Variants in MAMLD1 observed in about 807,000 individuals in gnomAD.
MAMLD1 encodes the protein mastermind-like domain-containing protein 1.
MAMLD1 carries 14 observed loss-of-function variants against 45.0 expected under a neutral mutation model. That is an observed-to-expected ratio of 0.31 (90% confidence interval 0.21 to 0.49). The LOEUF is 0.49. MAMLD1 is among the 20% of genes least tolerant of loss of function. The probability of loss-of-function intolerance (pLI) is 0.99; values close to 1 mark genes in which losing one functional copy is unlikely to be tolerated. For synonymous variants in MAMLD1, 254 were observed against 247.8 expected (o/e 1.02, Z -0.24); for missense variants, 543 against 603.6 (o/e 0.90, Z 1.05).
chrX:150,433,981 G>A (rs1347277639), intron 1 of MAMLD1, among the ~76,000 whole-genome samples: 4 of 111,553 alleles, frequency 3.6e-5, no homozygotes, highest in Non-Finnish European at 7.5e-5. Context: ...CAGAAGGAGT[G>A]GTACCAGGAA....
intron 1 of MAMLD1, among the ~76,000 whole-genome samples, chrX:150,365,039 T>A: frequency 8.9e-6 from 1 of 112,175 alleles, no homozygotes; most frequent in African/African-American, 3.2e-5. Context: ...TCTGGGCCCC[T>A]GGAGGCCGCG....
Position 150,384,101 on chromosome X carries a change from T to C in MAMLD1, c.-64+20571T>C, listed in dbSNP as rs1213375842. On this transcript the variant is annotated intron_variant, in intron 1 of 7. Transcript: ENST00000370401. The stretch of plus-strand genomic sequence containing the variant: ...TCATGTACAAGTTTTTGTGTGGACA[T>C]ATGCTTTCATTTCTCTTGGGCATAT... Among the ~76,000 whole-genome samples the C allele has an allele frequency of 3.6e-5, 4 of 112,166 alleles. No homozygotes were observed. The Admixed American group carries it at 3.8e-4, about 11-fold the overall frequency.
chrX:150,440,875 T>G (rs1419615874), intron 1 of MAMLD1, among the ~76,000 whole-genome samples: 1 of 104,640 alleles, frequency 9.6e-6, no homozygotes, highest in African/African-American at 3.4e-5. Flanking sequence ...TAATTAATAA[T>G]ATTTAATATT....
At chrX:150,506,950 GA>G (rs782054076) in intron 6 of MAMLD1, among the ~76,000 whole-genome samples, 17 of 112,605 alleles carry the variant, frequency 1.5e-4, no homozygotes, top group Non-Finnish European at 2.6e-4. Flanking sequence ...CATCTTGGCT[GA>G]GACTGTCTGT....
chrX:150,385,971 TGTCCTCATG>T (rs781899525), intron 1 of MAMLD1, among the ~76,000 whole-genome samples: 1 of 111,555 alleles, frequency 9.0e-6, no homozygotes, highest in African/African-American at 3.3e-5. Flanking sequence ...TTTATGTCTT[TGTCCTCATG>T]GTCCAGCACT....
intron 7 of MAMLD1, among the ~76,000 whole-genome samples, chrX:150,511,607 C>T (rs2037901499): frequency 8.9e-6 from 1 of 112,296 alleles, no homozygotes. Flanking sequence ...TGGCCCCTTC[C>T]TTCCTTCTAC....
At chrX:150,370,803 G>C (rs1167849889) in intron 1 of MAMLD1, among the ~76,000 whole-genome samples, 1 of 111,971 alleles carries the variant, frequency 8.9e-6, no homozygotes, top group Non-Finnish European at 1.9e-5. Context: ...AAAGCAATCA[G>C]ATATGAAACA....
intron 2 of MAMLD1, among the ~76,000 whole-genome samples, chrX:150,452,596 C>CTTT (rs34192611): frequency 1.6e-4 from 17 of 104,727 alleles, no homozygotes; most frequent in African/African-American, 5.6e-4. Context: ...TCTCTCCTCT[C>CTTT]TTTTTTTTTT....
intron 1 of MAMLD1, among the ~76,000 whole-genome samples, chrX:150,378,743 T>C (rs2032451336): frequency 8.9e-6 from 1 of 111,963 alleles, no homozygotes; most frequent in Non-Finnish European, 1.9e-5. Context: ...TCCTTTCCTA[T>C]CATTATTTAT....
intron 6 of MAMLD1, among the ~76,000 whole-genome samples, chrX:150,507,841 G>C (rs1557408919): frequency 1.8e-5 from 2 of 111,722 alleles, no homozygotes; most frequent in African/African-American, 6.5e-5. Flanking sequence ...TTCCCCTGCT[G>C]TTTCCTTAGT....
intron 1 of MAMLD1, among the ~76,000 whole-genome samples, chrX:150,366,158 C>G (rs1220217141): frequency 9.0e-6 from 1 of 111,131 alleles, no homozygotes; most frequent in East Asian, 2.9e-4. Flanking sequence ...ATTCCACCCG[C>G]TCTCTGGCCG....
intron 2 of MAMLD1, among the ~76,000 whole-genome samples, chrX:150,458,613 GT>G (rs782713769): frequency 9.0e-6 from 1 of 111,598 alleles, no homozygotes; most frequent in African/African-American, 3.3e-5. Flanking sequence ...ACCAGCAGCT[GT>G]TTTTTTTCTT....
chrX:150,371,124 CCTGGACACAGCCAGTGCCCCTTT>C (rs1433992457), intron 1 of MAMLD1, among the ~76,000 whole-genome samples: 6 of 111,445 alleles, frequency 5.4e-5, no homozygotes, highest in Non-Finnish European at 1.1e-4. Flanking sequence ...TGCCCTCTGA[CCTGGACACAGCCAGTGCCCCTTT>C]CTGCACAGCC....
intron 1 of MAMLD1, among the ~76,000 whole-genome samples, chrX:150,374,834 T>C (rs56095509): frequency 9.0e-6 from 1 of 111,702 alleles, no homozygotes; most frequent in Non-Finnish European, 1.9e-5. Context: ...GTTTGGTTTT[T>C]CACATTTCAG....
chrX:150,504,018 G>T, intron 6 of MAMLD1: 3 of 753,416 alleles, frequency 4.0e-6, no homozygotes, highest in Non-Finnish European at 4.7e-6. Flanking sequence ...TCCAAACCCC[G>T]CCCAGGACTC....
rs6526082 is a variant in MAMLD1 at position 150,473,530 on chromosome X, G to A, written c.1918-150G>A. 6.0e-5 allele frequency: 33 copies of A among 548,211 alleles called. No homozygotes were observed. The East Asian group carries it at 6.4e-4, about 11-fold the overall frequency. The allele number at this position is 548,211 out of a possible 1,213,427, so 45.2% of individuals were successfully genotyped here. ...AGTGCTTGACACCAGGGAGTTGGTCGTTTGATAGACCATGCGGCAAGCAGA... is the reference window on the plus strand; with the variant it reads ...AGTGCTTGACACCAGGGAGTTGGTCATTTGATAGACCATGCGGCAAGCAGA... On this transcript the variant is annotated intron_variant, in intron 4 of 7. Coordinates refer to ENST00000370401, the MANE Select transcript of MAMLD1 (RefSeq NM_005491.5).
At chrX:150,398,934 T>A (rs1156922358) in intron 1 of MAMLD1, among the ~76,000 whole-genome samples, 2 of 112,120 alleles carry the variant, frequency 1.8e-5, no homozygotes, top group African/African-American at 6.5e-5. Flanking sequence ...CTCTGGTCTC[T>A]TTAGCCAGAA....
intron 1 of MAMLD1, among the ~76,000 whole-genome samples, chrX:150,411,147 G>T (rs1051051496): frequency 5.4e-5 from 6 of 111,697 alleles, no homozygotes; most frequent in African/African-American, 2.0e-4. Context: ...GTCCAAGGAG[G>T]CATACCAGCC....
chrX:150,436,673 A>G (rs2035131524), intron 1 of MAMLD1, among the ~76,000 whole-genome samples: 1 of 111,610 alleles, frequency 9.0e-6, no homozygotes, highest in Non-Finnish European at 1.9e-5. Flanking sequence ...TTTTTCCTGA[A>G]TCTTGATGAT....
Sources: allele counts gnomAD v4.1 joint callset (sites outside exome capture counted in the v4.1 genomes callset), GRCh38; gene constraint gnomAD v4.1.1; transcripts MANE v1.5; gene names NCBI Gene and HGNC (gene_info 2026-07-23, HGNC 2026-07-21).